MGAT5: variants seen among roughly 807,000 people sequenced by gnomAD.
The protein encoded by MGAT5 is alpha-1,6-mannosylglycoprotein 6-beta-N-acetylglucosaminyltransferase A.
A neutral mutation model predicts 94.3 loss-of-function variants in MGAT5; 30 were observed. The observed-to-expected ratio is 0.32, with a 90% confidence interval of 0.24 to 0.43. The LOEUF (loss-of-function observed/expected upper bound fraction) is 0.43, where lower values mean the gene tolerates loss of function less well. Among genes scored for constraint, MGAT5 ranks in the 20% least tolerant of loss-of-function variants. MGAT5 has a pLI of 1.00. For synonymous variants in MGAT5, 310 were observed against 322.9 expected, an observed-to-expected ratio of 0.96 and a Z score of 0.43; for missense variants, 691 against 905.5, an observed-to-expected ratio of 0.76 and a Z score of 3.04.
rs528047979 is a variant in MGAT5 at position 134,149,723 on chromosome 2, A to G, written c.-143+29432A>G. Among the ~76,000 whole-genome samples the G allele has an allele frequency of 4.7e-4, 71 of 152,270 alleles. 1 individual carries two copies. Among genetic ancestry groups the G allele is most frequent in the African/African-American group, 1.6e-3 (68 of 41,552 alleles). ...CCTGGCAGGAAACAATTCACCTCAG[A>G]TGGTTTGAATGAAGCCTAATGAAAG... On this transcript the variant is annotated intron_variant, in intron 1 of 16. Transcript: ENST00000409645.
intron 9 of MGAT5, among the ~76,000 whole-genome samples, chr2:134,361,442 G>C (rs1461401540): frequency 2.0e-5 from 3 of 152,238 alleles, no homozygotes; most frequent in Admixed American, 6.5e-5. Context: ...GTTTAATCTA[G>C]AGAGAATTAT....
intron 2 of MGAT5, among the ~76,000 whole-genome samples, chr2:134,274,696 A>G (rs993496938): frequency 2.0e-5 from 3 of 152,202 alleles, no homozygotes; most frequent in African/African-American, 7.2e-5. Flanking sequence ...ATAGCATCCA[A>G]GTGGTGTTGT....
At chr2:134,120,956 G>A (rs1026051433) in intron 1 of MGAT5, among the ~76,000 whole-genome samples, 11 of 152,034 alleles carry the variant, frequency 7.2e-5, no homozygotes, top group Non-Finnish European at 1.5e-4. Flanking sequence ...GCCGGGTCTG[G>A]GAGGCTGCAG....
intron 9 of MGAT5, among the ~76,000 whole-genome samples, chr2:134,357,010 C>T (rs114527079): frequency 0.012 from 1,785 of 152,014 alleles, 38 homozygotes; most frequent in African/African-American, 0.04. Context: ...TTTCTTTTTC[C>T]TTCCCTGGAA....
intron 1 of MGAT5, among the ~76,000 whole-genome samples, chr2:134,224,671 A>G (rs886862456): frequency 6.6e-6 from 1 of 152,192 alleles, no homozygotes; most frequent in African/African-American, 2.4e-5. Context: ...ATCCAAAAAA[A>G]GCTATGGTAG....
chr2:134,371,241 C>T (rs1680778685), intron 10 of MGAT5, among the ~76,000 whole-genome samples: 1 of 152,168 alleles, frequency 6.6e-6, no homozygotes, highest in Non-Finnish European at 1.5e-5. Context: ...GTCTCACTTT[C>T]CTTATCTGGC....
chr2:134,294,236 G>C (rs184406460), intron 2 of MGAT5, among the ~76,000 whole-genome samples: 97 of 152,250 alleles, frequency 6.4e-4, no homozygotes, highest in African/African-American at 2.0e-3. Flanking sequence ...CCATAGACCT[G>C]TTAAGTCATG....
intron 1 of MGAT5, among the ~76,000 whole-genome samples, chr2:134,139,943 C>T (rs1323208091): frequency 1.3e-5 from 2 of 152,140 alleles, no homozygotes; most frequent in Non-Finnish European, 2.9e-5. Flanking sequence ...CCTTCTACAC[C>T]CAGGTTTAGG....
At chr2:134,208,363 A>G (rs1177383708) in intron 1 of MGAT5, among the ~76,000 whole-genome samples, 3 of 152,236 alleles carry the variant, frequency 2.0e-5, no homozygotes, top group Non-Finnish European at 4.4e-5. Context: ...ATTAGTATGT[A>G]TGCTACGGTG....
At chr2:134,139,092 A>G (rs1686548062) in intron 1 of MGAT5, among the ~76,000 whole-genome samples, 1 of 152,230 alleles carries the variant, frequency 6.6e-6, no homozygotes, top group African/African-American at 2.4e-5. Flanking sequence ...AGGCTAGGCG[A>G]AAGGTTTTTT....
At chr2:134,303,009 AT>A (rs1226952276) in intron 2 of MGAT5, among the ~76,000 whole-genome samples, 2 of 151,882 alleles carry the variant, frequency 1.3e-5, no homozygotes, top group African/African-American at 2.4e-5. Flanking sequence ...TTCTTCGAAT[AT>A]TTTTTGTCTC....
At chr2:134,240,825 T>C (rs971716997) in intron 1 of MGAT5, among the ~76,000 whole-genome samples, 3 of 152,264 alleles carry the variant, frequency 2.0e-5, no homozygotes, top group African/African-American at 7.2e-5. Flanking sequence ...TAAAGATTCA[T>C]ACACCTGCAG....
In MGAT5 at chr2:134,172,227, G is replaced by A. The variant is rs532412879; in HGVS notation, c.-143+51936G>A. 6.2e-4 allele frequency among the ~76,000 whole-genome samples: 95 copies of A among 152,272 alleles called. 1 individual carries two copies. The highest frequency in any genetic ancestry group is 6.8e-3 in the Middle Eastern group (2 of 294). On this transcript the variant is annotated intron_variant, in intron 1 of 16. Transcript: ENST00000409645. ...CACATCATCATGGTGTCAGTGGAAG[G>A]AAGCCCACTGAACTGGAGCGTGTGA...
At chr2:134,412,642 A>G (rs1187984178) in intron 11 of MGAT5, among the ~76,000 whole-genome samples, 2 of 152,072 alleles carry the variant, frequency 1.3e-5, no homozygotes, top group African/African-American at 4.8e-5. Flanking sequence ...GGAGGAGAGC[A>G]TAGTGAGTTG....
chr2:134,257,422 A>G (rs764195049), intron 1 of MGAT5, among the ~76,000 whole-genome samples: 9 of 152,116 alleles, frequency 5.9e-5, no homozygotes, highest in African/African-American at 1.2e-4. Flanking sequence ...GGGTTTCACC[A>G]TGTTGGCCAG....
intron 15 of MGAT5, among the ~76,000 whole-genome samples, chr2:134,448,350 C>T (rs978290309): frequency 1.3e-5 from 2 of 152,166 alleles, no homozygotes; most frequent in Non-Finnish European, 2.9e-5. Flanking sequence ...TTTGGCCATT[C>T]CCTGCTTGGT....
chr2:134,219,858 TACTTTCTTGA>T (rs1204409447), intron 1 of MGAT5, among the ~76,000 whole-genome samples: 10 of 152,208 alleles, frequency 6.6e-5, no homozygotes, highest in African/African-American at 2.2e-4. Context: ...GCGAGAGAGT[TACTTTCTTGA>T]ACTTTCTTGA....
chr2:134,292,207 T>C (rs1459043856), intron 2 of MGAT5, among the ~76,000 whole-genome samples: 1 of 152,226 alleles, frequency 6.6e-6, no homozygotes, highest in Non-Finnish European at 1.5e-5. Context: ...GTCTGGGTCC[T>C]CAGAACTGAG....
intron 2 of MGAT5, among the ~76,000 whole-genome samples, chr2:134,287,776 G>C (rs1214316820): frequency 1.3e-5 from 2 of 152,204 alleles, no homozygotes; most frequent in Non-Finnish European, 2.9e-5. Context: ...TCTCTAGAGA[G>C]TAAGCCTTTG....
Sources: gnomAD v4.1 joint callset for allele counts (sites outside exome capture counted in the v4.1 genomes callset) on GRCh38, gnomAD v4.1.1 for gene constraint, MANE v1.5 for transcripts, NCBI Gene and HGNC (gene_info 2026-07-23, HGNC 2026-07-21) for gene names.